The following RALYL variants were observed in gnomAD, a reference collection of about 807,000 sequenced individuals.
RALYL encodes RNA-binding Raly-like protein.
A neutral mutation model predicts 35.1 loss-of-function variants in RALYL; 29 were observed. The ratio of observed to expected loss-of-function variants is 0.83; its 90% CI spans 0.61 to 1.13. RALYL has a LOEUF of 1.13. Ranked by LOEUF, RALYL falls within the 50% of genes most tolerant of loss-of-function variation. The pLI is 0.00. For missense variants in RALYL, 359 were observed against 360.4 expected (o/e 1.00, Z 0.03); for synonymous variants, 120 against 127.6 (o/e 0.94, Z 0.40).
chr8:84,523,671 C>G (rs1423890489), intron 1 of RALYL, among the ~76,000 whole-genome samples: 9 of 117,672 alleles, frequency 7.6e-5, no homozygotes, highest in African/African-American at 2.6e-4. Flanking sequence ...CCCCCTCCCC[C>G]CACCCCACCA....
intron 2 of RALYL, among the ~76,000 whole-genome samples, chr8:84,545,128 ATT>A (rs527766355): frequency 6.6e-6 from 1 of 152,030 alleles, no homozygotes; most frequent in Non-Finnish European, 1.5e-5. Flanking sequence ...AAATTGATCA[ATT>A]TTTTACCATA....
At chr8:84,685,057 A>G (rs375748005) in intron 2 of RALYL, among the ~76,000 whole-genome samples, 1 of 152,098 alleles carries the variant, frequency 6.6e-6, no homozygotes, top group Admixed American at 6.6e-5. Flanking sequence ...TGAAGGCACT[A>G]ATCCTATTAT....
chr8:84,531,195 T>A (rs1414424962), intron 2 of RALYL, among the ~76,000 whole-genome samples: 1 of 152,106 alleles, frequency 6.6e-6, no homozygotes, highest in Non-Finnish European at 1.5e-5. Context: ...AGAAGCAAGT[T>A]AAAAGTATAG....
intron 8 of RALYL, among the ~76,000 whole-genome samples, chr8:84,905,187 T>A (rs1177499187): frequency 6.6e-6 from 1 of 152,166 alleles, no homozygotes; most frequent in Non-Finnish European, 1.5e-5. Context: ...AATCACACAG[T>A]ATTTGTCTTA....
intron 2 of RALYL, among the ~76,000 whole-genome samples, chr8:84,575,683 A>T (rs1265525617): frequency 6.6e-6 from 1 of 152,160 alleles, no homozygotes; most frequent in African/African-American, 2.4e-5. Flanking sequence ...ATGTCGAACT[A>T]ATGGGAGGGG....
intron 4 of RALYL, among the ~76,000 whole-genome samples, chr8:84,815,597 C>T (rs1827046228): frequency 1.3e-5 from 2 of 151,530 alleles, no homozygotes; most frequent in South Asian, 4.1e-4. Context: ...GGCTCATATT[C>T]CAATCATCCT....
rs568155863 is a variant in RALYL at position 84,859,438 on chromosome 8, G to A, written c.414-2858G>A. Among the ~76,000 whole-genome samples, 12 of 152,192 alleles carry A rather than the reference G, an allele frequency of 7.9e-5. No homozygotes were observed. The South Asian group carries it at 2.5e-3, about 32-fold the overall frequency. ...TCCAGACCCTATTCTCCTGCCTCAC[G>A]CATTCCCAATTTTGTTTTGTGAATG... On this transcript the variant is annotated intron_variant, in intron 5 of 8. Transcript: ENST00000521268.
chr8:84,566,516 A>G (rs940523649), intron 2 of RALYL, among the ~76,000 whole-genome samples: 1 of 151,650 alleles, frequency 6.6e-6, no homozygotes, highest in Non-Finnish European at 1.5e-5. Context: ...ATATAGTAGT[A>G]GACACTTTTG....
intron 8 of RALYL, 58 bp from the exon 9 acceptor site, chr8:84,920,836 T>A (rs1236372544): frequency 1.4e-6 from 1 of 735,410 alleles, no homozygotes; most frequent in Non-Finnish European, 2.2e-6. Flanking sequence ...AGTATACGCA[T>A]GCTATCAACA....
At chr8:84,459,331 G>A (rs528674029) in intron 1 of RALYL, among the ~76,000 whole-genome samples, 1 of 151,852 alleles carries the variant, frequency 6.6e-6, no homozygotes, top group South Asian at 2.1e-4. Flanking sequence ...GCATAACAAG[G>A]CGAATAGGAA....
chr8:84,210,928 C>T (rs2131161615), intron 1 of RALYL, among the ~76,000 whole-genome samples: 1 of 152,172 alleles, frequency 6.6e-6, no homozygotes, highest in East Asian at 1.9e-4. Context: ...CTCCCTATTG[C>T]TTATATAATT....
intron 2 of RALYL, among the ~76,000 whole-genome samples, chr8:84,537,443 C>T (rs1234016093): frequency 2.7e-5 from 4 of 149,824 alleles, no homozygotes; most frequent in East Asian, 3.9e-4. Context: ...TGCCACTGCA[C>T]TCCAGCCTCA....
At chr8:84,304,307 T>G (rs557265734) in intron 1 of RALYL, among the ~76,000 whole-genome samples, 1 of 152,154 alleles carries the variant, frequency 6.6e-6, no homozygotes, top group African/African-American at 2.4e-5. Context: ...TTAGTAGAGA[T>G]GAGGTTTCAC....
rs1304756805 is a variant in RALYL at position 84,185,758 on chromosome 8, A to T, written c.-24+1334A>T. On this transcript the variant is annotated intron_variant, in intron 1 of 8. Coordinates refer to ENST00000521268, the MANE Select transcript of RALYL (RefSeq NM_173848.7). ...CAACAACTTTTTACCTCTCAGATGA[A>T]GTTTTCTTCTAGGTAACTACAGAAA... Among the ~76,000 whole-genome samples the T allele has an allele frequency of 2.0e-5, 3 of 152,212 alleles. No individual in the cohort carries two copies. The East Asian group carries it at 5.8e-4, about 29-fold the overall frequency.
At chr8:84,601,099 A>T (rs1485007564) in intron 2 of RALYL, among the ~76,000 whole-genome samples, 2 of 152,184 alleles carry the variant, frequency 1.3e-5, no homozygotes, top group Non-Finnish European at 2.9e-5. Flanking sequence ...TCCAGAGAAT[A>T]AAATAAATGT....
intron 1 of RALYL, among the ~76,000 whole-genome samples, chr8:84,273,028 G>C (rs996907274): frequency 6.6e-6 from 1 of 152,168 alleles, no homozygotes; most frequent in Non-Finnish European, 1.5e-5. Context: ...TACTTAGATG[G>C]ATTTGCATTT....
At chr8:84,722,464 G>A (rs545086419) in intron 2 of RALYL, among the ~76,000 whole-genome samples, 14 of 151,232 alleles carry the variant, frequency 9.3e-5, no homozygotes, top group Admixed American at 3.3e-4. Context: ...CCTCTTTCTG[G>A]GTCACAGACC....
chr8:84,892,496 G>A (rs1252377711), intron 8 of RALYL, among the ~76,000 whole-genome samples: 1 of 151,934 alleles, frequency 6.6e-6, no homozygotes, highest in Non-Finnish European at 1.5e-5. Context: ...TGTAATTACA[G>A]CTACTCAGAA....
At chr8:84,858,559 A>G (rs188280078) in intron 5 of RALYL, among the ~76,000 whole-genome samples, 41 of 152,332 alleles carry the variant, frequency 2.7e-4, no homozygotes, top group African/African-American at 8.7e-4. Flanking sequence ...TTTAGATTCC[A>G]TTTAATTCTG....
Sources: allele counts gnomAD v4.1 joint callset (sites outside exome capture counted in the v4.1 genomes callset), GRCh38; gene constraint gnomAD v4.1.1; transcripts MANE v1.5; gene names NCBI Gene and HGNC (gene_info 2026-07-23, HGNC 2026-07-21).